Variants in TCF12 observed in about 807,000 individuals in gnomAD.
TCF12 encodes DNA-binding protein HTF4.
In TCF12, 45 loss-of-function variants were observed where a neutral mutation model predicts 86.0. That is an observed-to-expected ratio of 0.52 (90% confidence interval 0.41 to 0.67). The LOEUF (loss-of-function observed/expected upper bound fraction) is 0.67, where lower values mean the gene tolerates loss of function less well. Among genes scored for constraint, TCF12 ranks in the 30% least tolerant of loss-of-function variants. TCF12 has a pLI of 0.00. For synonymous variants in TCF12, 330 were observed against 299.6 expected (o/e 1.10, Z -1.05); for missense variants, 881 against 859.9 (o/e 1.02, Z -0.31).
intron 4 of TCF12, among the ~76,000 whole-genome samples, chr15:57,086,964 A>C (rs1466167086): frequency 6.6e-6 from 1 of 152,008 alleles, no homozygotes; most frequent in Non-Finnish European, 1.5e-5. Flanking sequence ...TGAGGTGAGA[A>C]ACCAGATAAG....
At chr15:57,139,627 A>G (rs1480787452) in intron 5 of TCF12, among the ~76,000 whole-genome samples, 4 of 151,912 alleles carry the variant, frequency 2.6e-5, no homozygotes, top group African/African-American at 7.3e-5. Context: ...TGCAAACACT[A>G]AAAAATCTCT....
At chr15:57,216,564 A>C (rs1326755566) in intron 8 of TCF12, among the ~76,000 whole-genome samples, 1 of 33,018 alleles carries the variant, frequency 3.0e-5, no homozygotes, top group Non-Finnish European at 8.1e-5. Flanking sequence ...ATGTTCCTTT[A>C]AAAAAAAAAA....
At chr15:57,168,855 G>C (rs1336777458) in intron 6 of TCF12, among the ~76,000 whole-genome samples, 1 of 152,110 alleles carries the variant, frequency 6.6e-6, no homozygotes, top group Non-Finnish European at 1.5e-5. Flanking sequence ...AGACCAGCCT[G>C]GCCAGCATGG....
Position 56,940,564 on chromosome 15 carries a change from CTCT to C in TCF12, c.148+19479_148+19481del, listed in dbSNP as rs372805592. ...CTCCTTCTTCTTCCTTTTCCTCTTC[CTCT>C]TCTTCTTCTTCTCCTTCTCCTCCTC... is the stretch of plus-strand genomic sequence containing the variant. On this transcript the variant is annotated intron_variant, in intron 3 of 20. Coordinates refer to ENST00000333725, the MANE Select transcript of TCF12 (RefSeq NM_207037.2). Among the ~76,000 whole-genome samples, 131 of 139,690 alleles carry C rather than the reference CTCT, an allele frequency of 9.4e-4. 1 individual carries two copies. The East Asian group carries it at 0.015, about 16-fold the overall frequency. The allele number at this position is 139,690 out of a possible 152,430, so 91.6% of individuals were successfully genotyped here. A position where few individuals can be genotyped will look rare whatever the true frequency, so the allele number is the denominator to read the frequency against.
rs141748775 is a variant in TCF12 at position 57,179,427 on chromosome 15, G to C, written c.391-12731G>C. Reference sequence around the variant, plus strand: ...TGCTTGAACCCAGGAGGTGGAGGCTGCAGTGAGCAGGAGAATTGCTTGAGC... The same window carrying C: ...TGCTTGAACCCAGGAGGTGGAGGCTCCAGTGAGCAGGAGAATTGCTTGAGC... On this transcript the variant is annotated intron_variant, in intron 6 of 20. Coordinates refer to ENST00000333725, the MANE Select transcript of TCF12 (RefSeq NM_207037.2). Among the ~76,000 whole-genome samples, 35 of 152,306 alleles carry C rather than the reference G, an allele frequency of 2.3e-4. No individual in the cohort carries two copies. In the East Asian group the frequency reaches 3.9e-3, roughly 17 times the overall value.
intron 19 of TCF12, 129 bp from the exon 20 acceptor site, chr15:57,282,316 A>C: frequency 9.2e-7 from 1 of 1,090,332 alleles, no homozygotes; most frequent in Non-Finnish European, 1.3e-6. Context: ...ATGTGAGCAC[A>C]TTGTTTCTTC....
At chr15:57,255,586 C>G (rs1046691206) in intron 16 of TCF12, among the ~76,000 whole-genome samples, 5 of 152,108 alleles carry the variant, frequency 3.3e-5, no homozygotes, top group African/African-American at 1.2e-4. Flanking sequence ...CAGATTTAAG[C>G]AATTCTCCTG....
intron 19 of TCF12, among the ~76,000 whole-genome samples, chr15:57,277,873 G>A (rs2061477807): frequency 6.6e-6 from 1 of 151,642 alleles, no homozygotes; most frequent in South Asian, 2.1e-4. Flanking sequence ...CTAGAAGATT[G>A]AGGCTGCAGT....
At chr15:57,048,927 C>A (rs1330470598) in intron 3 of TCF12, among the ~76,000 whole-genome samples, 3 of 152,088 alleles carry the variant, frequency 2.0e-5, no homozygotes, top group Non-Finnish European at 4.4e-5. Flanking sequence ...GTAGAAGATA[C>A]AATGGAGGGC....
At chr15:57,275,378 G>GTGTGTGTGTGTGTGTGTGTGT (rs1555417744) in intron 19 of TCF12, among the ~76,000 whole-genome samples, 2 of 148,136 alleles carry the variant, frequency 1.4e-5, no homozygotes, top group African/African-American at 2.5e-5. Context: ...ATGTAGAGAT[G>GTGTGTGTGTGTGTGTGTGTGT]GTCTCACTGT....
chr15:57,010,621 C>T (rs2064771068), intron 3 of TCF12, among the ~76,000 whole-genome samples: 1 of 152,028 alleles, frequency 6.6e-6, no homozygotes, highest in Admixed American at 6.6e-5. Context: ...AAGCTTTTTT[C>T]CTGCTCCTTA....
chr15:57,231,351 G>T, intron 9 of TCF12, 94 bp downstream of exon 9: 3 of 952,986 alleles, frequency 3.1e-6, no homozygotes, highest in South Asian at 3.1e-5. Flanking sequence ...CCTATATTCA[G>T]GCCTTATTTA....
chr15:57,172,205 T>C (rs1597048518), intron 6 of TCF12, among the ~76,000 whole-genome samples: 4 of 152,278 alleles, frequency 2.6e-5, no homozygotes, highest in Admixed American at 2.6e-4. Context: ...ATGACAGATG[T>C]GTATACGCCT....
At chr15:56,981,191 T>C (rs547758325) in intron 3 of TCF12, among the ~76,000 whole-genome samples, 2 of 152,336 alleles carry the variant, frequency 1.3e-5, no homozygotes, top group South Asian at 2.1e-4. Context: ...TGGTTTGTTA[T>C]GTGCTGCTAT....
At chr15:57,100,547 G>A (rs973494880) in intron 5 of TCF12, among the ~76,000 whole-genome samples, 1 of 151,606 alleles carries the variant, frequency 6.6e-6, no homozygotes, top group Non-Finnish European at 1.5e-5. Flanking sequence ...ATAGACATGA[G>A]CCACTTTATC....
chr15:57,193,532 A>G (rs961239106), intron 7 of TCF12, among the ~76,000 whole-genome samples: 4 of 152,230 alleles, frequency 2.6e-5, no homozygotes, highest in Non-Finnish European at 5.9e-5. Context: ...CTGTGTTTAA[A>G]TGTCAGAATT....
Position 57,232,809 on chromosome 15 carries a change from T to A in TCF12, c.923T>A (p.Val308Asp). ...HRGSTSSSPY[V>D]AASHTPPING... ...GGCAGTACCAGCAGTTCACCTTACG[T>A]TGCTGCCTCACACACTCCTCCCATC... is the stretch of plus-strand genomic sequence containing the variant. Residue 308 changes from valine (V) to aspartate (D), a missense_variant, in exon 11 of 21, where the codon GTT (valine) becomes GAT (aspartate). By Grantham distance (152) the Val-to-Asp change is radical (BLOSUM62 -3). Coordinates refer to ENST00000333725, the MANE Select transcript of TCF12 (RefSeq NM_207037.2). The A allele has an allele frequency of 3.1e-6, 5 of 1,612,396 alleles. No individual in the cohort carries two copies. In the Middle Eastern group the frequency reaches 8.3e-4, roughly 267 times the overall value.
chr15:57,149,687 C>A (rs1043479678), intron 5 of TCF12, among the ~76,000 whole-genome samples: 40 of 152,228 alleles, frequency 2.6e-4, no homozygotes, highest in Admixed American at 5.9e-4. Flanking sequence ...ATGTTTTTAA[C>A]TTAGGCTACT....
At chr15:57,282,312 G>C in intron 19 of TCF12, 133 bp from the exon 20 acceptor site, 1 of 1,019,466 alleles carries the variant, frequency 9.8e-7, no homozygotes, top group Non-Finnish European at 1.5e-6. Context: ...TTTTATGTGA[G>C]CACATTGTTT....
Sources: gnomAD v4.1 joint callset for allele counts (sites outside exome capture counted in the v4.1 genomes callset) on GRCh38, gnomAD v4.1.1 for gene constraint, MANE v1.5 for transcripts, NCBI Gene and HGNC (gene_info 2026-07-23, HGNC 2026-07-21) for gene names.